Variants in LRRK2 observed in about 807,000 individuals in gnomAD.
LRRK2 encodes the protein leucine-rich repeat serine/threonine-protein kinase 2.
Under a neutral mutation model 302.6 loss-of-function variants are expected in LRRK2, and 203 were observed. The observed-to-expected ratio is 0.67, with a 90% CI of 0.60 to 0.75. The LOEUF is 0.75. LRRK2 is among the 30% of genes least tolerant of loss of function. The pLI, the probability that LRRK2 is intolerant of heterozygous loss-of-function variation, is 0.00. For missense variants in LRRK2, 2,830 were observed against 2,951.0 expected, an observed-to-expected ratio of 0.96 and a Z score of 0.95; for synonymous variants, 1,066 against 1,031.9, an observed-to-expected ratio of 1.03 and a Z score of -0.63.
chr12:40,230,754 G>A (rs1941140556), intron 2 of LRRK2, among the ~76,000 whole-genome samples: 2 of 151,000 alleles, frequency 1.3e-5, no homozygotes, highest in African/African-American at 4.9e-5. Flanking sequence ...AGAGAGGGAG[G>A]AGTCTACAGT....
rs763584950 is a variant in LRRK2, at chr12:40,249,787, A to G, written c.839-39A>G. 1.2e-5 allele frequency: 20 copies of G among 1,609,832 alleles called. No individual in the cohort carries two copies. The South Asian group carries it at 2.0e-4, about 16-fold the overall frequency. On this transcript the variant is annotated intron_variant, in intron 7 of 50. Transcript: ENST00000298910. ...ATATGTTAAAGGTAATTTAACTTCCATGGATGAGAATTCAGCTAATGTTTC... is the reference window on the plus strand; with the variant it reads ...ATATGTTAAAGGTAATTTAACTTCCGTGGATGAGAATTCAGCTAATGTTTC...
intron 18 of LRRK2, among the ~76,000 whole-genome samples, chr12:40,280,331 T>C (rs2136637364): frequency 6.6e-6 from 1 of 151,944 alleles, no homozygotes; most frequent in African/African-American, 2.4e-5. Context: ...GGCACACACA[T>C]GTAGTCCTAG....
At chr12:40,309,661 G>A (rs139991994) in intron 30 of LRRK2, among the ~76,000 whole-genome samples, 174 of 152,150 alleles carry the variant, frequency 1.1e-3, no homozygotes, top group African/African-American at 4.1e-3. Context: ...AGTGGTCCCA[G>A]ATTATTATGC....
At chr12:40,296,006 C>A (rs977425769) in intron 23 of LRRK2, among the ~76,000 whole-genome samples, 9 of 152,202 alleles carry the variant, frequency 5.9e-5, no homozygotes, top group Admixed American at 2.6e-4. Context: ...GTAGTACTGG[C>A]TCTGACTCAG....
chr12:40,247,517 T>C (rs187666349), intron 7 of LRRK2, among the ~76,000 whole-genome samples: 2 of 66,522 alleles, frequency 3.0e-5, no homozygotes, highest in African/African-American at 1.2e-4. Context: ...TGTATATAAA[T>C]ATACATACAA....
chr12:40,274,248 T>C (rs1943356436), intron 14 of LRRK2, among the ~76,000 whole-genome samples: 1 of 152,232 alleles, frequency 6.6e-6, no homozygotes, highest in East Asian at 1.9e-4. Flanking sequence ...ATAGTTTGTG[T>C]AGACTTTGAG....
chr12:40,241,188 C>G (rs1941706653), intron 6 of LRRK2, among the ~76,000 whole-genome samples: 1 of 152,118 alleles, frequency 6.6e-6, no homozygotes, highest in South Asian at 2.1e-4. Flanking sequence ...ATGCACATCC[C>G]CAAATATCCT....
At position 40,328,527 on chromosome 12, in the gene LRRK2, C is replaced by T. The variant is rs548522627; in HGVS notation, c.5757+67C>T. Reference sequence around the variant, plus strand: ...TTAATCTACTGGAACTCTTATTTTGCATACAGTTGTGAAAATGCAAAATAA... The same window carrying T: ...TTAATCTACTGGAACTCTTATTTTGTATACAGTTGTGAAAATGCAAAATAA... On this transcript the variant is annotated intron_variant, in intron 39 of 50. Transcript: ENST00000298910. 6.4e-6 allele frequency: 8 copies of T among 1,242,278 alleles called. No individual in the cohort carries two copies. In the East Asian group the frequency reaches 2.0e-4, roughly 32 times the overall value. 77.0% of individuals were successfully genotyped at this position (1,242,278 alleles called of 1,614,324 possible).
In LRRK2 at chr12:40,365,025, C is replaced by G. The variant is rs200275290; in HGVS notation, c.7365C>G (p.Val2455=). 116 of 1,612,216 alleles carry G rather than the reference C, an allele frequency of 7.2e-5. No individual in the cohort carries two copies. The highest frequency in any genetic ancestry group is 9.7e-5 in the Non-Finnish European group (114 of 1,178,892). Residue 2455 remains valine, a synonymous_variant, in exon 49 of 51, where the codon GTC becomes GTG. Coordinates refer to ENST00000298910, the MANE Select transcript of LRRK2 (RefSeq NM_198578.4). ...TAATTTACAACTTTTGTAATTCGGT[C>G]AGAGTCATGATGACAGCACAGCTAG... ...IRVIYNFCNS[V]RVMMTAQLGS...
chr12:40,345,881 T>G (rs958641839), intron 41 of LRRK2, among the ~76,000 whole-genome samples: 2 of 152,100 alleles, frequency 1.3e-5, no homozygotes, highest in African/African-American at 4.8e-5. Context: ...GAAAATTAAT[T>G]CAGTTGATTT....
chr12:40,357,626 T>C (rs1455841223), intron 46 of LRRK2, among the ~76,000 whole-genome samples: 1 of 152,226 alleles, frequency 6.6e-6, no homozygotes, highest in Non-Finnish European at 1.5e-5. Flanking sequence ...TTTTTTATAA[T>C]AGCCATTCTA....
At position 40,288,930 on chromosome 12, in the gene LRRK2, G is replaced by GT. The variant is rs544386698; in HGVS notation, c.2689+1398dup. Among the ~76,000 whole-genome samples, 13 of 151,718 alleles carry GT rather than the reference G, an allele frequency of 8.6e-5. No individual in the cohort carries two copies. In the South Asian group the frequency reaches 2.1e-3, roughly 24 times the overall value. ...AATCTTGGTGAAATGCAGTTTTCCA[G>GT]TTTTTTTCTTTTATGGTTTGTGCTT... On this transcript the variant is annotated intron_variant, in intron 20 of 50. Transcript: ENST00000298910.
intron 39 of LRRK2, among the ~76,000 whole-genome samples, chr12:40,332,658 G>A (rs1945744788): frequency 2.0e-5 from 3 of 152,068 alleles, no homozygotes; most frequent in South Asian, 2.1e-4. Flanking sequence ...TTAATTATTA[G>A]TAACAACAGT....
intron 23 of LRRK2, among the ~76,000 whole-genome samples, chr12:40,296,457 C>A (rs1412856740): frequency 6.6e-6 from 1 of 151,928 alleles, no homozygotes; most frequent in African/African-American, 2.4e-5. Context: ...TCAGCAAAAT[C>A]CTGTCTCTAC....
Position 40,251,269 on chromosome 12 carries a change from G to C in LRRK2, c.996G>C (p.Lys332Asn), listed in dbSNP as rs751682676. 1.2e-6 allele frequency: 2 copies of C among 1,609,032 alleles called. No homozygotes were observed. The highest frequency in any genetic ancestry group is 1.7e-6 in the Non-Finnish European group (2 of 1,176,694). ...TCTTAAATCAAGATTTAGAGGAAAA[G>C]AATGAGAATCAAGAGAATGATGATG... Reference protein sequence around the residue: ...TIFLNQDLEEKNENQENDDEG... With the variant: ...TIFLNQDLEENNENQENDDEG... The change falls in exon 9 of 51, where the codon AAG (lysine) becomes AAC (asparagine). Residue 332 changes from lysine (K) to asparagine (N), a missense_variant. Transcript: ENST00000298910.
At chr12:40,327,040 T>C (rs1032989155) in intron 38 of LRRK2, among the ~76,000 whole-genome samples, 3 of 152,222 alleles carry the variant, frequency 2.0e-5, no homozygotes, top group African/African-American at 4.8e-5. Context: ...ATTACTATAT[T>C]TCCTTATAGA....
At chr12:40,281,839 A>G (rs1003653303) in intron 18 of LRRK2, among the ~76,000 whole-genome samples, 1 of 152,312 alleles carries the variant, frequency 6.6e-6, no homozygotes. Context: ...AGAATATAAA[A>G]TGGGTTTCCT....
At chr12:40,241,614 ATTAGAG>A (rs1391799895) in intron 6 of LRRK2, among the ~76,000 whole-genome samples, 2 of 152,204 alleles carry the variant, frequency 1.3e-5, no homozygotes, top group South Asian at 2.1e-4. Context: ...AGTTTTGAGG[ATTAGAG>A]TTAAACAATG....
chr12:40,310,599 G>A lies in LRRK2; in HGVS notation c.4486G>A (p.Ala1496Thr), dbSNP rs1308540320. 1 of 1,612,538 alleles carries A rather than the reference G, an allele frequency of 6.2e-7. No homozygotes were observed. The highest frequency in any genetic ancestry group is 1.7e-5 in the Admixed American group (1 of 59,712). ...TGTGAATGCCACCGAGGAATCTGAT[G>A]CTTTGGCAAAACTTCGGAAAACCAT... ...HFVNATEESD[A>T]LAKLRKTIIN... Residue 1496 changes from alanine to threonine, a missense_variant, in exon 31 of 51, where the codon GCT (alanine) becomes ACT (threonine). Physicochemically the swap from Ala to Thr is moderately conservative, Grantham distance 58. Coordinates refer to ENST00000298910, the MANE Select transcript of LRRK2 (RefSeq NM_198578.4).
Sources: allele counts gnomAD v4.1 joint callset (sites outside exome capture counted in the v4.1 genomes callset), GRCh38; gene constraint gnomAD v4.1.1; transcripts MANE v1.5; gene names NCBI Gene and HGNC (gene_info 2026-07-23, HGNC 2026-07-21).